Variants in POU6F2 observed in about 807,000 individuals in gnomAD.
POU6F2 encodes the protein POU class 6 homeobox 2.
POU6F2 carries 31 observed loss-of-function variants against 71.3 expected under a neutral mutation model. The ratio of observed to expected loss-of-function variants is 0.43; its 90% CI spans 0.33 to 0.59. The LOEUF (loss-of-function observed/expected upper bound fraction) is 0.59. POU6F2 is among the 20% of genes least tolerant of loss of function. The pLI is 0.04. For missense variants in POU6F2, 783 were observed against 856.8 expected (o/e 0.91, Z 1.07); for synonymous variants, 347 against 355.7 (o/e 0.98, Z 0.27).
chr7:39,130,903 C>G (rs1250370638), intron 2 of POU6F2, among the ~76,000 whole-genome samples: 1 of 152,202 alleles, frequency 6.6e-6, no homozygotes, highest in African/African-American at 2.4e-5. Flanking sequence ...TCGGCGTTCC[C>G]ACCTGCTGCT....
chr7:39,428,963 G>A (rs763053403), intron 6 of POU6F2, among the ~76,000 whole-genome samples: 29 of 112,182 alleles, frequency 2.6e-4, no homozygotes, highest in Non-Finnish European at 4.0e-4. Context: ...AGGGCCTGTC[G>A]TAGGGTGGGG....
At chr7:39,164,709 G>A (rs1793075168) in intron 2 of POU6F2, among the ~76,000 whole-genome samples, 1 of 152,032 alleles carries the variant, frequency 6.6e-6, no homozygotes, top group East Asian at 2.0e-4. Context: ...GAGCATGCTG[G>A]CCTCACACAT....
intron 4 of POU6F2, among the ~76,000 whole-genome samples, chr7:39,338,375 C>T (rs1422624218): frequency 6.6e-6 from 1 of 152,232 alleles, no homozygotes; most frequent in Non-Finnish European, 1.5e-5. Context: ...AGGCCTCCCT[C>T]ATGCCATCTC....
At chr7:39,439,429 AG>A (rs1410076308) in intron 7 of POU6F2, among the ~76,000 whole-genome samples, 1 of 152,154 alleles carries the variant, frequency 6.6e-6, no homozygotes, top group African/African-American at 2.4e-5. Flanking sequence ...TTTTCACACT[AG>A]TTGATGCAGT....
intron 2 of POU6F2, among the ~76,000 whole-genome samples, chr7:39,190,914 C>T (rs969039681): frequency 6.6e-6 from 1 of 152,082 alleles, no homozygotes; most frequent in Non-Finnish European, 1.5e-5. Context: ...GGATTACAGG[C>T]ATGAACCACC....
At chr7:39,085,028 A>G (rs1350695390) in intron 1 of POU6F2, 1 of 152,136 alleles carries the variant, frequency 6.6e-6, no homozygotes, top group Non-Finnish European at 1.5e-5. Flanking sequence ...CTAAATAATT[A>G]GGGGGGAAAG....
intron 4 of POU6F2, among the ~76,000 whole-genome samples, chr7:39,222,586 G>A (rs976002309): frequency 2.0e-5 from 3 of 151,994 alleles, no homozygotes; most frequent in Admixed American, 2.0e-4. Flanking sequence ...CCAGTCCCTG[G>A]CAACCACCAT....
intron 4 of POU6F2, among the ~76,000 whole-genome samples, chr7:39,218,344 G>C (rs1341261234): frequency 6.6e-6 from 1 of 152,188 alleles, no homozygotes; most frequent in East Asian, 1.9e-4. Flanking sequence ...TGTGGGGACA[G>C]AGAGTGGGGG....
chr7:39,225,957 A>T (rs1410801273), intron 4 of POU6F2, among the ~76,000 whole-genome samples: 2 of 133,534 alleles, frequency 1.5e-5, no homozygotes, highest in South Asian at 2.3e-4. Flanking sequence ...TAATTCCTTT[A>T]AAAAAAAAAG....
intron 1 of POU6F2, among the ~76,000 whole-genome samples, chr7:39,054,187 C>T (rs1165737619): frequency 2.0e-5 from 3 of 152,064 alleles, no homozygotes; most frequent in African/African-American, 7.2e-5. Flanking sequence ...ATCAAAACTA[C>T]CACAAGGTAC....
intron 4 of POU6F2, among the ~76,000 whole-genome samples, chr7:39,263,970 C>T (rs937633274): frequency 1.3e-5 from 2 of 152,222 alleles, no homozygotes; most frequent in Non-Finnish European, 2.9e-5. Context: ...TCTCCCAGCT[C>T]CTCAGTCTGA....
At chr7:39,236,959 G>A (rs1282610502) in intron 4 of POU6F2, among the ~76,000 whole-genome samples, 2 of 152,158 alleles carry the variant, frequency 1.3e-5, no homozygotes, top group Non-Finnish European at 2.9e-5. Context: ...TAAGAGAATT[G>A]GAAGATATAA....
intron 4 of POU6F2, among the ~76,000 whole-genome samples, chr7:39,226,261 A>G (rs1232790993): frequency 6.6e-6 from 1 of 152,178 alleles, no homozygotes; most frequent in East Asian, 1.9e-4. Flanking sequence ...TTGTAATGTT[A>G]GTGGTAATTT....
chr7:39,182,080 AT>A (rs770872594), intron 2 of POU6F2, among the ~76,000 whole-genome samples: 1 of 152,206 alleles, frequency 6.6e-6, no homozygotes, highest in African/African-American at 2.4e-5. Context: ...GAAGATTTCA[AT>A]TTTTTTACTT....
At chr7:39,406,351 G>C (rs1787426380) in intron 5 of POU6F2, 1 of 495,440 alleles carries the variant, frequency 2.0e-6, no homozygotes, top group East Asian at 3.5e-5. Flanking sequence ...GTTCAGGCTC[G>C]TTCCCTCCTG....
chr7:39,113,145 G>A (rs1365020944), intron 2 of POU6F2, among the ~76,000 whole-genome samples: 1 of 152,264 alleles, frequency 6.6e-6, no homozygotes, highest in East Asian at 1.9e-4. Flanking sequence ...GCTCAAGGAA[G>A]GGCCTCTTGG....
intron 1 of POU6F2, among the ~76,000 whole-genome samples, chr7:39,033,151 G>A (rs551036421): frequency 6.6e-6 from 1 of 152,298 alleles, no homozygotes; most frequent in African/African-American, 2.4e-5. Flanking sequence ...GGCATCAAGA[G>A]AATATACACT....
At chr7:39,025,490 C>G (rs948763623) in intron 1 of POU6F2, among the ~76,000 whole-genome samples, 12 of 152,194 alleles carry the variant, frequency 7.9e-5, no homozygotes, top group African/African-American at 2.9e-4. Context: ...GAAAAACAGG[C>G]AATGGGGAAA....
chr7:39,157,111 C>G (rs116861428), intron 2 of POU6F2, among the ~76,000 whole-genome samples: 2 of 152,002 alleles, frequency 1.3e-5, no homozygotes, highest in South Asian at 4.2e-4. Context: ...AATTGAATAC[C>G]GAGGCAGAGC....
Sources: gnomAD v4.1 joint callset for allele counts (sites outside exome capture counted in the v4.1 genomes callset) on GRCh38, gnomAD v4.1.1 for gene constraint, MANE v1.5 for transcripts, NCBI Gene and HGNC (gene_info 2026-07-23, HGNC 2026-07-21) for gene names.